MAF: variants seen among roughly 807,000 people sequenced by gnomAD.
MAF encodes the protein MAF bZIP transcription factor, also known as transcription factor Maf.
A neutral mutation model predicts 22.0 loss-of-function variants in MAF; 10 were observed. That is an observed-to-expected ratio of 0.45 (90% CI 0.28 to 0.77). MAF has a LOEUF of 0.77. Among genes scored for constraint, MAF ranks in the 30% least tolerant of loss-of-function variants. The pLI is 0.12. For missense variants in MAF, 544 were observed against 548.4 expected (o/e 0.99, Z 0.08); for synonymous variants, 337 against 255.8 (o/e 1.32, Z -3.03).
the MAF span, among the ~76,000 whole-genome samples, chr16:79,375,721 G>C: frequency 1.7e-4 from 26 of 152,060 alleles, no homozygotes; most frequent in East Asian, 5.0e-3. Context: ...ATCACAAATG[G>C]GGTCACAGAC....
At chr16:79,465,669 A>G in the MAF span, among the ~76,000 whole-genome samples, 2 of 152,218 alleles carry the variant, frequency 1.3e-5, no homozygotes, top group South Asian at 2.1e-4. Flanking sequence ...ATTTTTTTAA[A>G]TCAGACTGAT....
the MAF span, among the ~76,000 whole-genome samples, chr16:79,217,122 T>G: frequency 6.6e-6 from 1 of 152,212 alleles, no homozygotes; most frequent in Non-Finnish European, 1.5e-5. Flanking sequence ...ATCTGCTACT[T>G]CTAATTTCAG....
At chr16:79,573,070 T>C in the MAF span, among the ~76,000 whole-genome samples, 4 of 152,226 alleles carry the variant, frequency 2.6e-5, no homozygotes, top group East Asian at 7.7e-4. Flanking sequence ...CATGTGTATT[T>C]TTTTTCCCCA....
downstream of MAF, among the ~76,000 whole-genome samples, chr16:79,591,823 C>T (rs1343761812): frequency 1.3e-5 from 2 of 152,164 alleles, no homozygotes; most frequent in Non-Finnish European, 2.9e-5. Context: ...ACATGTCTGG[C>T]TGGTCCAAAA....
chr16:79,526,103 T>A, the MAF span, among the ~76,000 whole-genome samples: 1 of 152,206 alleles, frequency 6.6e-6, no homozygotes, highest in Non-Finnish European at 1.5e-5. Flanking sequence ...TCTTCCTGCC[T>A]CTTGTTTCAA....
At chr16:79,372,014 G>A in the MAF span, among the ~76,000 whole-genome samples, 1 of 151,332 alleles carries the variant, frequency 6.6e-6, no homozygotes, top group African/African-American at 2.4e-5. Flanking sequence ...AAGCCATGTG[G>A]AATCACTGGA....
chr16:79,600,336 C>T lies in MAF; in HGVS notation c.-434G>A, dbSNP rs140174065. 1.4e-4 allele frequency: 29 copies of T among 200,600 alleles called. No individual in the cohort carries two copies. Among genetic ancestry groups the T allele is most frequent in the Admixed American group, 1.1e-3 (18 of 16,102 alleles). The allele number at this position is 200,600 out of a possible 1,614,324, so 12.4% of individuals were successfully genotyped here. ...GCTTTGCATAAGGAAGGGCTCGCCT[C>T]GCCGGCCCGGGCTGCAGGCAGGGCG... On this transcript the variant is annotated 5_prime_UTR_variant, in exon 1 of 2. Transcript: ENST00000326043.
the MAF span, among the ~76,000 whole-genome samples, chr16:79,216,289 A>G: frequency 6.6e-6 from 1 of 152,230 alleles, no homozygotes; most frequent in Admixed American, 6.5e-5. Context: ...TGTAAAACAC[A>G]GGCATTATAG....
chr16:79,299,360 A>AG, the MAF span, among the ~76,000 whole-genome samples: 2 of 150,846 alleles, frequency 1.3e-5, no homozygotes, highest in African/African-American at 4.9e-5. Context: ...AAAAAAAAAA[A>AG]AAGAAAAAAA....
the MAF span, among the ~76,000 whole-genome samples, chr16:79,326,677 A>C: frequency 6.6e-6 from 1 of 152,220 alleles, no homozygotes; most frequent in African/African-American, 2.4e-5. Context: ...CAGTTCCAGC[A>C]GGAAAGCAGC....
the MAF span, among the ~76,000 whole-genome samples, chr16:79,491,565 T>C: frequency 0.75 from 113,917 of 151,932 alleles, 43,799 homozygotes; most frequent in East Asian, 0.87. Flanking sequence ...GGTTTCTAAG[T>C]CCTGGTATCC....
At chr16:79,435,592 G>A in the MAF span, among the ~76,000 whole-genome samples, 1 of 152,190 alleles carries the variant, frequency 6.6e-6, no homozygotes, top group Non-Finnish European at 1.5e-5. Flanking sequence ...TGAGGCTCAG[G>A]AAGCTGGAAC....
chr16:79,510,041 A>G, the MAF span, among the ~76,000 whole-genome samples: 17 of 152,332 alleles, frequency 1.1e-4, 1 homozygote, highest in South Asian at 1.7e-3. Context: ...TTACAAAGTC[A>G]CTGGAATCAG....
chr16:79,377,852 A>G, the MAF span, among the ~76,000 whole-genome samples: 1 of 152,088 alleles, frequency 6.6e-6, no homozygotes, highest in African/African-American at 2.4e-5. Flanking sequence ...ATGCAGCATT[A>G]TTTCTGAGGG....
chr16:79,578,732 A>G, the MAF span, among the ~76,000 whole-genome samples: 1 of 152,218 alleles, frequency 6.6e-6, no homozygotes, highest in Admixed American at 6.5e-5. Flanking sequence ...TTCACTTGCT[A>G]TTAATCGCAA....
At chr16:79,430,967 G>C in the MAF span, among the ~76,000 whole-genome samples, 1 of 152,236 alleles carries the variant, frequency 6.6e-6, no homozygotes, top group African/African-American at 2.4e-5. Flanking sequence ...TGACAGGGAA[G>C]AGACTTCCCT....
chr16:79,598,346 G>T (rs1163776256), intron 1 of MAF: 19 of 1,084,406 alleles, frequency 1.8e-5, no homozygotes, highest in Admixed American at 5.8e-5. Flanking sequence ...GGAAGAAGAA[G>T]AAAAAATATG....
chr16:79,519,556 G>T, the MAF span, among the ~76,000 whole-genome samples: 1 of 152,184 alleles, frequency 6.6e-6, no homozygotes, highest in Non-Finnish European at 1.5e-5. Flanking sequence ...CCTTTCTGCT[G>T]CAGTACAAAA....
intron 1 of MAF, chr16:79,595,418 T>C: frequency 1.9e-6 from 2 of 1,054,720 alleles, no homozygotes; most frequent in Non-Finnish European, 2.3e-6. Context: ...ATTATCTTTT[T>C]TTCTTTTAAG....
Sources: allele counts gnomAD v4.1 joint callset (sites outside exome capture counted in the v4.1 genomes callset), GRCh38; gene constraint gnomAD v4.1.1; transcripts MANE v1.5; gene names NCBI Gene and HGNC (gene_info 2026-07-23, HGNC 2026-07-21).